MAP1B: variants seen among roughly 807,000 people sequenced by gnomAD.
MAP1B encodes the protein microtubule associated protein 1B.
A neutral mutation model predicts 176.1 loss-of-function variants in MAP1B; 12 were observed. The ratio of observed to expected loss-of-function variants is 0.07; its 90% CI spans 0.04 to 0.11. The LOEUF (loss-of-function observed/expected upper bound fraction) is 0.11. Ranked by LOEUF, MAP1B falls within the 10% of genes least tolerant of loss-of-function variation. The pLI, the probability that MAP1B is intolerant of heterozygous loss-of-function variation, is 1.00. For synonymous variants in MAP1B, 1,044 were observed against 1,135.0 expected, an observed-to-expected ratio of 0.92 and a Z score of 1.61; for missense variants, 2,523 against 2,990.5, an observed-to-expected ratio of 0.84 and a Z score of 3.65.
At chr5:72,150,746 T>C (rs1245505597) in intron 2 of MAP1B, among the ~76,000 whole-genome samples, 3 of 152,194 alleles carry the variant, frequency 2.0e-5, no homozygotes, top group Non-Finnish European at 2.9e-5. Context: ...AGTGAGAACA[T>C]ACAGTATTTG....
intron 2 of MAP1B, chr5:72,179,558 G>C: frequency 1.1e-6 from 1 of 945,310 alleles, no homozygotes; most frequent in Non-Finnish European, 1.3e-6. Flanking sequence ...CCCGCCTGCC[G>C]CAGGAAAGCT....
Position 72,196,417 on chromosome 5 carries a change from A to T in MAP1B, c.3062A>T (p.Asp1021Val). 1 of 1,613,970 alleles carries T rather than the reference A, an allele frequency of 6.2e-7. No individual in the cohort carries two copies. Among genetic ancestry groups the T allele is most frequent in the Non-Finnish European group, 8.5e-7 (1 of 1,180,022 alleles). ...GCTGAACAATCTGAAGAGGAGGCTG[A>T]TGAGGAGGACAAAGCTGAAGATGCC... ...GEAEQSEEEADEEDKAEDARE... is the reference protein window; with the variant it reads ...GEAEQSEEEAVEEDKAEDARE... Residue 1021 changes from aspartate to valine, a missense_variant, in exon 5 of 7, where the codon GAT becomes GTT. This residue lies in a region of MAP1B where 1,925 missense variants were observed against 2,126.0 expected (regional missense o/e 0.91). Transcript: ENST00000296755. This position sits in a 1 kb window ranked among gnomAD's most constrained non-coding sequence, Gnocchi z 5.3.
chr5:72,170,365 T>G (rs973588844), intron 2 of MAP1B, among the ~76,000 whole-genome samples: 4 of 152,202 alleles, frequency 2.6e-5, no homozygotes, highest in Non-Finnish European at 5.9e-5. Context: ...GTCAGCTCTC[T>G]GTATGATGTT....
At chr5:72,178,293 G>A (rs372623616) in intron 2 of MAP1B, among the ~76,000 whole-genome samples, 18 of 152,164 alleles carry the variant, frequency 1.2e-4, no homozygotes, top group East Asian at 1.9e-4. Context: ...ATGAGCCACC[G>A]TGCCTGGCCT....
chr5:72,181,767 G>A (rs868675144), intron 2 of MAP1B, among the ~76,000 whole-genome samples: 40 of 151,468 alleles, frequency 2.6e-4, no homozygotes, highest in African/African-American at 7.8e-4. Context: ...TGTTGTCGGG[G>A]CTGGAGTGCA....
At position 72,194,704 on chromosome 5, in the gene MAP1B, A is replaced by C. The variant is rs759225125; in HGVS notation, c.1349A>C (p.Glu450Ala). The change falls in exon 5 of 7, where the codon GAA becomes GCA. Residue 450 changes from glutamate to alanine, a missense_variant. Around this residue, in one of 4 missense-constraint regions of MAP1B, gnomAD observed 1,925 missense variants for 2,126.0 expected, o/e 0.91. Transcript: ENST00000296755. This position sits in a 1 kb window ranked among gnomAD's most constrained non-coding sequence, Gnocchi z 7.2. The part of the protein sequence containing the change: ...QWTGTNKDKA[E>A]FILPNGQEVD... ...ACTGGTACCAACAAAGACAAGGCTG[A>C]ATTCATTCTGCCTAATGGTCAAGAA... is the stretch of plus-strand genomic sequence containing the variant. 1 of 1,614,098 alleles carries C rather than the reference A, an allele frequency of 6.2e-7. No homozygotes were observed. Among genetic ancestry groups the C allele is most frequent in the Non-Finnish European group, 8.5e-7 (1 of 1,180,052 alleles).
chr5:72,110,779 C>T (rs1745318473), intron 1 of MAP1B, among the ~76,000 whole-genome samples: 1 of 152,208 alleles, frequency 6.6e-6, no homozygotes, highest in African/African-American at 2.4e-5. Context: ...GGATTCTTGC[C>T]ATCCGATTAC....
chr5:72,199,001 A>T lies in MAP1B; in HGVS notation c.5646A>T (p.Pro1882=). The part of the protein sequence containing the change: ...YQKPEETTRS[P]DEEDYDYESY... ...AGCCTGAGGAAACAACCAGGTCCCC[A>T]GATGAAGAAGATTATGACTATGAGT... The change falls in exon 5 of 7, where the codon CCA becomes CCT. Residue 1882 remains proline, a synonymous_variant. Transcript: ENST00000296755. The surrounding 1 kb of genome is among the most constrained non-coding windows in gnomAD (Gnocchi z 4.2). 6.2e-7 allele frequency: 1 copy of T among 1,614,222 alleles called. No individual in the cohort carries two copies. The highest frequency in any genetic ancestry group is 8.5e-7 in the Non-Finnish European group (1 of 1,180,034).
At chr5:72,114,213 A>C (rs1314914228) in intron 1 of MAP1B, among the ~76,000 whole-genome samples, 1 of 152,162 alleles carries the variant, frequency 6.6e-6, no homozygotes, top group Non-Finnish European at 1.5e-5. Context: ...GAGTTTCCAG[A>C]ATCTTTTTTT....
rs747248336 is a variant in MAP1B, at chr5:72,198,552, T to A, written c.5197T>A (p.Ser1733Thr). The A allele has an allele frequency of 3.7e-6, 6 of 1,613,928 alleles. No homozygotes were observed. The African/African-American group carries it at 6.7e-5, about 18-fold the overall frequency. Residue 1733 changes from serine (S) to threonine (T), a missense_variant, in exon 5 of 7, where the codon TCT becomes ACT. Ser to Thr is a moderately conservative substitution (Grantham distance 58). Around this residue, in one of 4 missense-constraint regions of MAP1B, gnomAD observed 1,925 missense variants for 2,126.0 expected, o/e 0.91. Transcript: ENST00000296755. The part of the protein sequence containing the change: ...VSQVEASPST[S>T]SAHTPSQIAS... ...TCAGGTAGAGGCCTCCCCGTCCACC[T>A]CTTCTGCTCATACCCCTTCTCAGAT...
rs566900892 is a variant in MAP1B at position 72,205,988 on chromosome 5, G to C, written c.*749G>C. 6.6e-6 allele frequency: 1 copy of C among 152,646 alleles called. No homozygotes were observed. The highest frequency in any genetic ancestry group is 1.5e-5 in the Non-Finnish European group (1 of 68,016). 9.5% of individuals were successfully genotyped at this position (152,646 alleles called of 1,614,324 possible). A position where few individuals can be genotyped will look rare whatever the true frequency, so the allele number is the denominator to read the frequency against. Reference sequence around the variant, plus strand: ...TGAGTGTAGACTGGCCATGCAAGTGGTTTGGGCCCCATTCAGAACTCTCAG... The same window carrying C: ...TGAGTGTAGACTGGCCATGCAAGTGCTTTGGGCCCCATTCAGAACTCTCAG... On this transcript the variant is annotated 3_prime_UTR_variant, in exon 7 of 7. Coordinates refer to ENST00000296755, the MANE Select transcript of MAP1B (RefSeq NM_005909.5).
intron 2 of MAP1B, among the ~76,000 whole-genome samples, chr5:72,158,899 T>C (rs1317468275): frequency 6.6e-6 from 1 of 152,224 alleles, no homozygotes; most frequent in Admixed American, 6.5e-5. Context: ...GTTAGAGATT[T>C]GGGCAACATG....
chr5:72,112,437 C>T (rs1298701072), intron 1 of MAP1B, among the ~76,000 whole-genome samples: 1 of 152,126 alleles, frequency 6.6e-6, no homozygotes. Context: ...CTGTACACAC[C>T]AAGAGTACCT....
intron 2 of MAP1B, among the ~76,000 whole-genome samples, chr5:72,156,293 C>G (rs1047682624): frequency 1.3e-5 from 2 of 152,182 alleles, no homozygotes; most frequent in Non-Finnish European, 2.9e-5. Flanking sequence ...TCCTTATGTA[C>G]TGAATTTCTT....
rs1747476197 is a variant in MAP1B, at chr5:72,207,410, T to C, written c.*2171T>C. ...CTATGATGAGGGTTTAAAAAAATGC[T>C]TCTTCAGGGTCCTTTCACTGAGGAC... On this transcript the variant is annotated 3_prime_UTR_variant, in exon 7 of 7. Coordinates refer to ENST00000296755, the MANE Select transcript of MAP1B (RefSeq NM_005909.5). 1 of 152,264 alleles carries C rather than the reference T, an allele frequency of 6.6e-6. No individual in the cohort carries two copies. Among genetic ancestry groups the C allele is most frequent in the Non-Finnish European group, 1.5e-5 (1 of 68,040 alleles). The allele number at this position is 152,264 out of a possible 1,614,324, so 9.4% of individuals were successfully genotyped here.
intron 2 of MAP1B, among the ~76,000 whole-genome samples, chr5:72,142,662 G>A (rs1745966790): frequency 1.3e-5 from 2 of 151,750 alleles, no homozygotes; most frequent in Admixed American, 6.6e-5. Context: ...AAGAAAAAAG[G>A]GATTTTTTTT....
In MAP1B at chr5:72,205,893, A is replaced by T. The variant is rs1446725775; in HGVS notation, c.*654A>T. ...AGTAAAAAGAACAACACTTGTTATG[A>T]GGGCATGTGATATTTTCACATCTTA... On this transcript the variant is annotated 3_prime_UTR_variant, in exon 7 of 7. Transcript: ENST00000296755. The T allele has an allele frequency of 1.3e-5, 2 of 152,550 alleles. No homozygotes were observed. The highest frequency in any genetic ancestry group is 4.8e-5 in the African/African-American group (2 of 41,456). 9.4% of individuals were successfully genotyped at this position (152,550 alleles called of 1,614,324 possible). A position where few individuals can be genotyped will look rare whatever the true frequency, so the allele number is the denominator to read the frequency against.
chr5:72,179,733 C>T (rs963373939), intron 2 of MAP1B: 6 of 985,320 alleles, frequency 6.1e-6, no homozygotes, highest in Non-Finnish European at 7.2e-6. Context: ...CCTTTAAATC[C>T]CCTCCTTCAT....
At chr5:72,114,196 G>A (rs1341935806) in intron 1 of MAP1B, among the ~76,000 whole-genome samples, 1 of 152,174 alleles carries the variant, frequency 6.6e-6, no homozygotes, top group Non-Finnish European at 1.5e-5. Flanking sequence ...TAGATGTGCA[G>A]TGAACTGAGT....
Sources: gnomAD v4.1 joint callset for allele counts (sites outside exome capture counted in the v4.1 genomes callset) on GRCh38, gnomAD v4.1.1 for gene constraint, gnomAD v4.1.1 regional missense constraint, Gnocchi (gnomAD v3.1) non-coding constraint, MANE v1.5 for transcripts, NCBI Gene and HGNC (gene_info 2026-07-23, HGNC 2026-07-21) for gene names.